The following CCDC7 variants were observed in gnomAD, a reference collection of about 807,000 sequenced individuals.
CCDC7 encodes the protein coiled-coil domain containing 7.
A neutral mutation model predicts 196.9 loss-of-function variants in CCDC7; 183 were observed. That is an observed-to-expected ratio of 0.93 (90% CI 0.82 to 1.05). The LOEUF (loss-of-function observed/expected upper bound fraction) is 1.05. Ranked by LOEUF, CCDC7 falls within the 50% of genes least tolerant of loss-of-function variation. The pLI, the probability that CCDC7 is intolerant of heterozygous loss-of-function variation, is 0.00. For missense variants in CCDC7, 1,540 were observed against 1,482.2 expected (o/e 1.04, Z -0.64); for synonymous variants, 525 against 484.6 (o/e 1.08, Z -1.10).
chr10:32,596,065 G>T (rs1470308912), intron 18 of CCDC7, among the ~76,000 whole-genome samples: 1 of 152,172 alleles, frequency 6.6e-6, no homozygotes, highest in Non-Finnish European at 1.5e-5. Flanking sequence ...AGGTCCACTT[G>T]TTGCAGAGCT....
chr10:32,449,663 T>C (rs2032480165), upstream of CCDC7, among the ~76,000 whole-genome samples: 1 of 152,138 alleles, frequency 6.6e-6, no homozygotes, highest in Non-Finnish European at 1.5e-5. Context: ...GGTGTATTTG[T>C]TTTCGAAGTG....
intron 22 of CCDC7, among the ~76,000 whole-genome samples, chr10:32,687,502 A>C (rs1027425963): frequency 6.6e-6 from 1 of 152,170 alleles, no homozygotes; most frequent in Admixed American, 6.5e-5. Flanking sequence ...AGTGGGACCC[A>C]CCCATAGTTG....
intron 29 of CCDC7, among the ~76,000 whole-genome samples, chr10:32,803,694 G>T (rs965316327): frequency 1.3e-5 from 2 of 152,006 alleles, no homozygotes; most frequent in Non-Finnish European, 2.9e-5. Context: ...AATTCTGTCT[G>T]TCTATATCTT....
At chr10:32,818,251 A>G (rs2089275024) in intron 31 of CCDC7, among the ~76,000 whole-genome samples, 1 of 152,244 alleles carries the variant, frequency 6.6e-6, no homozygotes. Flanking sequence ...AGGCCATTAC[A>G]TAATGGTAAA....
chr10:32,557,411 GTAT>G (rs1404224856), intron 13 of CCDC7, among the ~76,000 whole-genome samples: 1 of 151,604 alleles, frequency 6.6e-6, no homozygotes, highest in Non-Finnish European at 1.5e-5. Flanking sequence ...CATTTTCAAT[GTAT>G]TATTATTTTA....
intron 1 of CCDC7, among the ~76,000 whole-genome samples, chr10:32,452,704 C>T (rs549957939): frequency 4.6e-5 from 7 of 152,140 alleles, no homozygotes; most frequent in Admixed American, 1.3e-4. Flanking sequence ...GTGATCCACC[C>T]GCCTTGGCCT....
At chr10:32,767,848 C>T (rs2078569787) in intron 28 of CCDC7, among the ~76,000 whole-genome samples, 1 of 152,044 alleles carries the variant, frequency 6.6e-6, no homozygotes, top group Non-Finnish European at 1.5e-5. Context: ...TATGAGGAAG[C>T]TGAATGATCT....
intron 22 of CCDC7, among the ~76,000 whole-genome samples, chr10:32,687,788 C>A (rs973746886): frequency 6.6e-6 from 1 of 152,112 alleles, no homozygotes; most frequent in Non-Finnish European, 1.5e-5. Context: ...AGACCATGTT[C>A]TCTGATTCAT....
chr10:32,799,320 A>G (rs2134961783), intron 29 of CCDC7, among the ~76,000 whole-genome samples: 1 of 152,272 alleles, frequency 6.6e-6, no homozygotes. Context: ...AATGTCTCCA[A>G]ACAGCATCCC....
chr10:32,788,421 T>A (rs1324438192), intron 29 of CCDC7, among the ~76,000 whole-genome samples: 3 of 152,212 alleles, frequency 2.0e-5, no homozygotes, highest in African/African-American at 7.2e-5. Flanking sequence ...GGCCTATTTA[T>A]GTGTATCCAA....
At chr10:32,786,452 A>G (rs1158286756) in intron 29 of CCDC7, among the ~76,000 whole-genome samples, 2 of 152,220 alleles carry the variant, frequency 1.3e-5, no homozygotes, top group Non-Finnish European at 2.9e-5. Context: ...TGTACTTACT[A>G]GAGAGACTTT....
At chr10:32,623,671 G>A (rs1402373305) in intron 18 of CCDC7, 2 of 462,750 alleles carry the variant, frequency 4.3e-6, no homozygotes, top group African/African-American at 4.0e-5. Flanking sequence ...CTTGAGGCTG[G>A]GTTATTTATA....
intron 28 of CCDC7, among the ~76,000 whole-genome samples, chr10:32,774,356 T>C (rs1229120820): frequency 6.6e-6 from 1 of 152,056 alleles, no homozygotes; most frequent in Non-Finnish European, 1.5e-5. Flanking sequence ...AAATGTTCCA[T>C]GGGACAGGAC....
chr10:32,716,178 A>G (rs2081544353), intron 25 of CCDC7, among the ~76,000 whole-genome samples: 1 of 152,240 alleles, frequency 6.6e-6, no homozygotes, highest in Admixed American at 6.5e-5. Context: ...CCACAAAGGG[A>G]AGCCCATCAG....
intron 8 of CCDC7, among the ~76,000 whole-genome samples, chr10:32,485,819 C>T (rs957578313): frequency 3.3e-5 from 5 of 152,164 alleles, no homozygotes; most frequent in Non-Finnish European, 5.9e-5. Context: ...GAGTGAGTTT[C>T]TTAATCCTGA....
chr10:32,852,927 G>A (rs760142627), intron 40 of CCDC7, among the ~76,000 whole-genome samples: 4 of 152,058 alleles, frequency 2.6e-5, no homozygotes, highest in Non-Finnish European at 5.9e-5. Flanking sequence ...AAAATAATAA[G>A]CAAAATCCTG....
At chr10:32,699,674 TGTAAAA>T (rs1477437031) in intron 24 of CCDC7, among the ~76,000 whole-genome samples, 1 of 149,432 alleles carries the variant, frequency 6.7e-6, no homozygotes, top group Non-Finnish European at 1.5e-5. Context: ...CCACCAACAG[TGTAAAA>T]GCTTTCCTAT....
intron 28 of CCDC7, among the ~76,000 whole-genome samples, chr10:32,777,246 A>G (rs964674708): frequency 2.6e-5 from 4 of 152,172 alleles, no homozygotes; most frequent in African/African-American, 9.7e-5. Context: ...ATTCCGTGGT[A>G]TATATGTACC....
At chr10:32,446,472 A>G (rs2031028367) in intron 1 of CCDC7, 75 bp downstream of exon 1, 1 of 152,322 alleles carries the variant, frequency 6.6e-6, no homozygotes, top group Non-Finnish European at 1.5e-5. Context: ...CTGGCTTTGC[A>G]CTTAGTTTTC....
Sources: allele counts gnomAD v4.1 joint callset (sites outside exome capture counted in the v4.1 genomes callset), GRCh38; gene constraint gnomAD v4.1.1; transcripts MANE v1.5; gene names NCBI Gene and HGNC (gene_info 2026-07-23, HGNC 2026-07-21).